The following ATOSA variants were observed in gnomAD, a reference collection of about 807,000 sequenced individuals.
ATOSA encodes atos homolog A.
chr15:52,665,139 A>G, the ATOSA span, among the ~76,000 whole-genome samples: 2 of 152,224 alleles, frequency 1.3e-5, no homozygotes, highest in African/African-American at 4.8e-5. Flanking sequence ...TACAGACTGA[A>G]AAAATACCTA....
At chr15:52,600,135 T>G in the ATOSA span, 1 of 1,592,298 alleles carries the variant, frequency 6.3e-7, no homozygotes, top group Non-Finnish European at 8.6e-7. Context: ...ACCTCAAAAT[T>G]TCCTAGGAGA....
the ATOSA span, among the ~76,000 whole-genome samples, chr15:52,631,696 A>G: frequency 6.6e-6 from 1 of 152,204 alleles, no homozygotes; most frequent in Non-Finnish European, 1.5e-5. Flanking sequence ...AAAGCTACTG[A>G]CGAAAAGTTA....
the ATOSA span, among the ~76,000 whole-genome samples, chr15:52,630,921 A>C: frequency 6.6e-6 from 1 of 152,242 alleles, no homozygotes; most frequent in Non-Finnish European, 1.5e-5. Context: ...TAAAAGTTTA[A>C]AAAACAAGCT....
chr15:52,705,443 A>ATG, the ATOSA span, among the ~76,000 whole-genome samples: 3 of 152,176 alleles, frequency 2.0e-5, no homozygotes, highest in Non-Finnish European at 4.4e-5. Flanking sequence ...AACATGGCAC[A>ATG]TGTATACCTA....
the ATOSA span, among the ~76,000 whole-genome samples, chr15:52,693,780 C>T: frequency 3.3e-5 from 5 of 152,130 alleles, no homozygotes; most frequent in Admixed American, 2.6e-4. Context: ...ATGTGGAATA[C>T]TAGAATTACA....
At chr15:52,630,726 A>G in the ATOSA span, among the ~76,000 whole-genome samples, 30 of 152,324 alleles carry the variant, frequency 2.0e-4, no homozygotes, top group South Asian at 6.2e-3. Flanking sequence ...GGAGACTAAT[A>G]TAAGAATGTT....
At chr15:52,583,597 G>A in the ATOSA span, among the ~76,000 whole-genome samples, 2 of 152,144 alleles carry the variant, frequency 1.3e-5, no homozygotes, top group African/African-American at 4.8e-5. Context: ...TGTTGGCCAG[G>A]CTGGTCTTGA....
At chr15:52,672,754 C>G in the ATOSA span, among the ~76,000 whole-genome samples, 1 of 152,198 alleles carries the variant, frequency 6.6e-6, no homozygotes, top group Non-Finnish European at 1.5e-5. Flanking sequence ...ACACATTTGC[C>G]TTTCAGTTCT....
chr15:52,697,448 T>C, the ATOSA span, among the ~76,000 whole-genome samples: 1 of 152,216 alleles, frequency 6.6e-6, no homozygotes, highest in Non-Finnish European at 1.5e-5. Context: ...CTTGGAATCC[T>C]TAGAAGATGT....
the ATOSA span, among the ~76,000 whole-genome samples, chr15:52,688,723 C>T: frequency 6.6e-6 from 1 of 152,252 alleles, no homozygotes; most frequent in East Asian, 1.9e-4. Flanking sequence ...AGCCATCAGC[C>T]TGTAAATGGT....
the ATOSA span, among the ~76,000 whole-genome samples, chr15:52,622,230 G>A: frequency 4.6e-5 from 7 of 152,132 alleles, no homozygotes; most frequent in African/African-American, 1.7e-4. Flanking sequence ...TACTGGTTCT[G>A]GTATTGAGAA....
At chr15:52,599,341 T>A in the ATOSA span, among the ~76,000 whole-genome samples, 89 of 152,316 alleles carry the variant, frequency 5.8e-4, no homozygotes, top group African/African-American at 2.0e-3. Context: ...AACTGATACC[T>A]TGGAATTGAC....
At chr15:52,620,473 C>T in the ATOSA span, among the ~76,000 whole-genome samples, 1 of 152,192 alleles carries the variant, frequency 6.6e-6, no homozygotes, top group Non-Finnish European at 1.5e-5. Context: ...AGCAGGATGG[C>T]TCAAATCTAC....
the ATOSA span, chr15:52,605,062 G>A: frequency 7.9e-6 from 8 of 1,012,144 alleles, no homozygotes; most frequent in Non-Finnish European, 1.2e-5. Context: ...ATTAAAATTT[G>A]AATGAAATTA....
the ATOSA span, among the ~76,000 whole-genome samples, chr15:52,683,417 G>A: frequency 6.6e-6 from 1 of 152,162 alleles, no homozygotes; most frequent in African/African-American, 2.4e-5. Context: ...GCTCAGAAAT[G>A]TTGAGAAGTG....
the ATOSA span, chr15:52,656,400 T>G: frequency 1.3e-5 from 2 of 152,088 alleles, no homozygotes; most frequent in East Asian, 3.8e-4. Flanking sequence ...CCCACTGACT[T>G]GCATTCATTA....
chr15:52,620,719 C>A, the ATOSA span, among the ~76,000 whole-genome samples: 1 of 152,048 alleles, frequency 6.6e-6, no homozygotes. Flanking sequence ...GAGGCTGAGG[C>A]AGGCTGATTG....
chr15:52,609,709 C>G, the ATOSA span: 1 of 1,613,714 alleles, frequency 6.2e-7, no homozygotes, highest in Non-Finnish European at 8.5e-7. Flanking sequence ...ATGGAGTGAA[C>G]TAGACTCTTG....
chr15:52,663,075 A>T, the ATOSA span, among the ~76,000 whole-genome samples: 2 of 152,180 alleles, frequency 1.3e-5, no homozygotes, highest in African/African-American at 4.8e-5. Flanking sequence ...ATCTCTCCCT[A>T]TTCCAAAGCA....
Sources: allele counts gnomAD v4.1 joint callset (sites outside exome capture counted in the v4.1 genomes callset), GRCh38; gene constraint gnomAD v4.1.1; transcripts MANE v1.5; gene names NCBI Gene and HGNC (gene_info 2026-07-23, HGNC 2026-07-21).